Variants in PAQR3 observed in about 807,000 individuals in gnomAD.
The protein encoded by PAQR3 is progestin and adipoQ receptor family member 3.
PAQR3 carries 39 observed loss-of-function variants against 41.7 expected under a neutral mutation model. That is an observed-to-expected ratio of 0.93 (90% CI 0.72 to 1.22). PAQR3 has a LOEUF of 1.22. PAQR3 is among the 50% of genes most tolerant of loss of function. The pLI is 0.00. For synonymous variants in PAQR3, 140 were observed against 140.6 expected, an observed-to-expected ratio of 1.00 and a Z score of 0.03; for missense variants, 366 against 385.6, an observed-to-expected ratio of 0.95 and a Z score of 0.42.
At chr4:78,898,741 TTATATG>T (rs1733844233) in intron 11 of PAQR3, 1 of 151,492 alleles carries the variant, frequency 6.6e-6, no homozygotes, top group African/African-American at 2.4e-5. Context: ...AGAAATAACT[TTATATG>T]TATTGAATCA....
downstream of PAQR3, chr4:78,911,510 A>G (rs372826254): frequency 3.2e-5 from 51 of 1,613,942 alleles, 1 homozygote; most frequent in South Asian, 3.4e-4. Context: ...ACAAAGCAGG[A>G]TATGTCCAAA....
In PAQR3 at chr4:78,939,249, G is replaced by A; in HGVS notation, c.-25C>T. 2 of 1,570,186 alleles carry A rather than the reference G, an allele frequency of 1.3e-6. No individual in the cohort carries two copies. Among genetic ancestry groups the A allele is most frequent in the East Asian group, 2.5e-5 (1 of 39,218 alleles). On this transcript the variant is annotated 5_prime_UTR_variant, in exon 1 of 6. Coordinates refer to ENST00000512733, the MANE Select transcript of PAQR3 (RefSeq NM_001040202.2). ...TCGTTCCCGGCCGCCGCCGCTCCCCGGCTCGGGAGCTCCCCCAGGTCCCGC... is the reference window on the plus strand; with the variant it reads ...TCGTTCCCGGCCGCCGCCGCTCCCCAGCTCGGGAGCTCCCCCAGGTCCCGC...
At chr4:78,887,399 A>G in intron 12 of PAQR3, 1 of 769,738 alleles carries the variant, frequency 1.3e-6, no homozygotes, top group Non-Finnish European at 2.2e-6. Context: ...AAAGTAGAAA[A>G]TATTTTAACC....
downstream of PAQR3, chr4:78,910,492 C>T: frequency 1.2e-6 from 1 of 848,556 alleles, no homozygotes. Context: ...TTATTTTTTC[C>T]TCTAAGGGAA....
intron 11 of PAQR3, among the ~76,000 whole-genome samples, chr4:78,897,596 A>G (rs1277552300): frequency 6.6e-6 from 1 of 152,196 alleles, no homozygotes; most frequent in African/African-American, 2.4e-5. Context: ...CCTGTTAAGC[A>G]TAGTGTATGT....
At chr4:78,891,712 T>G (rs1733449851) in intron 11 of PAQR3, among the ~76,000 whole-genome samples, 1 of 152,238 alleles carries the variant, frequency 6.6e-6, no homozygotes, top group Admixed American at 6.5e-5. Flanking sequence ...TGCCACACCT[T>G]TTCTTCTCTT....
chr4:78,894,041 G>C (rs912574502), intron 11 of PAQR3, among the ~76,000 whole-genome samples: 8 of 152,216 alleles, frequency 5.3e-5, no homozygotes, highest in Admixed American at 4.6e-4. Flanking sequence ...CTGAGCAGTA[G>C]ATTTCAAGAG....
At chr4:78,890,811 G>A (rs928778110) in intron 11 of PAQR3, among the ~76,000 whole-genome samples, 2 of 152,122 alleles carry the variant, frequency 1.3e-5, no homozygotes, top group African/African-American at 4.8e-5. Flanking sequence ...GGAAATTCCT[G>A]GAGCTCTTCT....
In PAQR3 at chr4:78,939,162, C is replaced by A; in HGVS notation, c.63G>T (p.Pro21=). The part of the protein sequence containing the change: ...YIELGSYQYW[P]VLVPRGIRLY... ...GGCGGATGCCACGGGGCACCAGGAC[C>A]GGCCAGTACTGGTAGCTGCCCAGCT... The change falls in exon 1 of 6, where the codon CCG becomes CCT. Residue 21 remains proline (P), a synonymous_variant. Coordinates refer to ENST00000512733, the MANE Select transcript of PAQR3 (RefSeq NM_001040202.2). 2 of 1,613,386 alleles carry A rather than the reference C, an allele frequency of 1.2e-6. No individual in the cohort carries two copies. The highest frequency in any genetic ancestry group is 2.2e-5 in the East Asian group (1 of 44,760).
chr4:78,920,652 G>A lies in PAQR3; in HGVS notation c.823C>T (p.Gln275Ter). ...GQLNYLGSSHQIWHILAVVML... is the reference protein window; with the variant it reads ...GQLNYLGSSH ...ACTACTGCAAGGATATGCCATATTT[G>A]GTGGCTTGATCCGAGGTAGTTTAGT... Residue 275 changes from glutamine to a stop codon, truncating the protein, a stop_gained, in exon 6 of 6, where the codon CAA becomes TAA. Transcript: ENST00000512733. LOFTEE classifies it high-confidence loss of function. 1 of 1,609,558 alleles carries A rather than the reference G, an allele frequency of 6.2e-7. No individual in the cohort carries two copies. The highest frequency in any genetic ancestry group is 8.5e-7 in the Non-Finnish European group (1 of 1,177,464).
intron 11 of PAQR3, among the ~76,000 whole-genome samples, chr4:78,891,001 C>T (rs1318220528): frequency 6.6e-6 from 1 of 152,114 alleles, no homozygotes; most frequent in Non-Finnish European, 1.5e-5. Context: ...GAGTTTAAGA[C>T]CAGTCTGGGT....
chr4:78,897,204 A>G (rs984438050), intron 11 of PAQR3, among the ~76,000 whole-genome samples: 5 of 149,104 alleles, frequency 3.4e-5, no homozygotes, highest in Non-Finnish European at 4.4e-5. Context: ...TGATTTTTTT[A>G]AGCCTTATTT....
chr4:78,899,300 A>ATT (rs1733875835), intron 11 of PAQR3: 1 of 152,266 alleles, frequency 6.6e-6, no homozygotes, highest in African/African-American at 2.4e-5. Flanking sequence ...TGATTAGCAG[A>ATT]TTTTTGTTTC....
Position 78,930,280 on chromosome 4 carries a change from G to T in PAQR3, c.394C>A (p.Arg132=), listed in dbSNP as rs376144025. 1 of 1,613,256 alleles carries T rather than the reference G, an allele frequency of 6.2e-7. No homozygotes were observed. The highest frequency in any genetic ancestry group is 1.3e-5 in the African/African-American group (1 of 74,936). ...SVGYHLFSCH[R]SEKTCRRWMA... is the part of the protein sequence containing the mutation. ...CATCTTCGACATGTTTTTTCTGACC[G>T]ATGGCAGGAAAAAAGATGATAGCCC... Residue 132 remains arginine (R), a synonymous_variant, in exon 3 of 6, where the codon CGG becomes AGG. Transcript: ENST00000512733.
At chr4:78,888,381 T>C (rs1003913949) in intron 11 of PAQR3, among the ~76,000 whole-genome samples, 1 of 152,188 alleles carries the variant, frequency 6.6e-6, no homozygotes, top group African/African-American at 2.4e-5. Flanking sequence ...TATTACTGTC[T>C]AAAATTATAA....
downstream of PAQR3, chr4:78,910,691 G>C (rs1734540307): frequency 6.2e-7 from 1 of 1,611,026 alleles, no homozygotes; most frequent in African/African-American, 1.3e-5. Context: ...GGTAAAACAA[G>C]TCCAGCATCT....
At chr4:78,889,512 A>G (rs1263471762) in intron 11 of PAQR3, among the ~76,000 whole-genome samples, 2 of 152,200 alleles carry the variant, frequency 1.3e-5, no homozygotes, top group Non-Finnish European at 2.9e-5. Context: ...TTTGTCATGT[A>G]TAATTTTTAG....
intron 1 of PAQR3, among the ~76,000 whole-genome samples, chr4:78,937,975 A>G (rs1045154603): frequency 6.6e-6 from 1 of 152,236 alleles, no homozygotes; most frequent in African/African-American, 2.4e-5. Flanking sequence ...TTACGCTTCA[A>G]GTTGTGAATC....
At chr4:78,924,332 A>C (rs1324134514) in intron 4 of PAQR3, among the ~76,000 whole-genome samples, 1 of 152,196 alleles carries the variant, frequency 6.6e-6, no homozygotes, top group Non-Finnish European at 1.5e-5. Context: ...ATCTGTTCCA[A>C]TATCCCAGAT....
Sources: gnomAD v4.1 joint callset for allele counts (sites outside exome capture counted in the v4.1 genomes callset) on GRCh38, gnomAD v4.1.1 for gene constraint, MANE v1.5 for transcripts, NCBI Gene and HGNC (gene_info 2026-07-23, HGNC 2026-07-21) for gene names.